PIEZO2: variants seen among roughly 807,000 people sequenced by gnomAD.
The protein encoded by PIEZO2 is piezo type mechanosensitive ion channel component 2.
PIEZO2 carries 172 observed loss-of-function variants against 337.3 expected under a neutral mutation model. That is an observed-to-expected ratio of 0.51 (90% CI 0.45 to 0.58). The LOEUF (loss-of-function observed/expected upper bound fraction) is 0.58, where lower values mean the gene tolerates loss of function less well. Among genes scored for constraint, PIEZO2 ranks in the 20% least tolerant of loss-of-function variants. The pLI is 0.00. For missense variants in PIEZO2, 3,028 were observed against 3,391.3 expected, an observed-to-expected ratio of 0.89 and a Z score of 2.66; for synonymous variants, 1,251 against 1,228.5, an observed-to-expected ratio of 1.02 and a Z score of -0.38.
At position 11,148,387 on chromosome 18, in the gene PIEZO2, G is replaced by A. The variant is rs977223266; in HGVS notation, c.64+138C>T. ...GTGAGAGAGCCAGGCTGTGCACCAG[G>A]GACAGCGCGCGTCTGACGCCGCTGG... On this transcript the variant is annotated intron_variant, in intron 1 of 55. Transcript: ENST00000674853. The surrounding 1 kb of genome is among the most constrained non-coding windows in gnomAD (Gnocchi z 5.2). 8.4e-6 allele frequency: 8 copies of A among 953,278 alleles called. No homozygotes were observed. Among genetic ancestry groups the A allele is most frequent in the Non-Finnish European group, 1.3e-5 (8 of 634,374 alleles). 59.1% of individuals were successfully genotyped at this position (953,278 alleles called of 1,614,324 possible).
chr18:10,696,662 C>T (rs928534094), intron 45 of PIEZO2, 123 bp from the exon 46 acceptor site: 1 of 1,078,914 alleles, frequency 9.3e-7, no homozygotes, highest in Non-Finnish European at 1.3e-6. Flanking sequence ...GTCCCACCTT[C>T]CTCTCTCTGC....
At position 10,857,042 on chromosome 18, in the gene PIEZO2, G is replaced by A; in HGVS notation, c.662C>T (p.Thr221Ile). Reference protein sequence around the residue: ...LKEFIGNMITTAGKVVVTILL... With the variant: ...LKEFIGNMITIAGKVVVTILL... ...GATGGTAACAACGACTTTCCCAGCA[G>A]TGGTGATCATGTTGCCAATGAACTC... The change falls in exon 6 of 56, where the codon ACT becomes ATT. Residue 221 changes from threonine (T) to isoleucine (I), a missense_variant. By Grantham distance (89) the Thr-to-Ile change is moderately conservative (BLOSUM62 -1). Around this residue, in one of 5 missense-constraint regions of PIEZO2, gnomAD observed 542 missense variants for 605.6 expected, o/e 0.89. Coordinates refer to ENST00000674853, the MANE Select transcript of PIEZO2 (RefSeq NM_001378183.1). 3 of 1,537,356 alleles carry A rather than the reference G, an allele frequency of 2.0e-6. No homozygotes were observed. Among genetic ancestry groups the A allele is most frequent in the Non-Finnish European group, 2.6e-6 (3 of 1,146,928 alleles).
chr18:10,940,017 A>G lies in PIEZO2; in HGVS notation c.287-28789T>C, dbSNP rs547062626. ...ATTATTATGTATACTCTAGGGACATATATATGACTATGTTAGTTCCTTATT... is the reference window on the plus strand; with the variant it reads ...ATTATTATGTATACTCTAGGGACATGTATATGACTATGTTAGTTCCTTATT... On this transcript the variant is annotated intron_variant, in intron 3 of 55. Coordinates refer to ENST00000674853, the MANE Select transcript of PIEZO2 (RefSeq NM_001378183.1). This position sits in a 1 kb window ranked among gnomAD's most constrained non-coding sequence, Gnocchi z 5.3. Among the ~76,000 whole-genome samples the G allele has an allele frequency of 6.6e-6, 1 of 152,256 alleles. No homozygotes were observed. The highest frequency in any genetic ancestry group is 2.4e-5 in the African/African-American group (1 of 41,544).
At chr18:10,918,245 A>G (rs9960675) in intron 3 of PIEZO2, among the ~76,000 whole-genome samples, 42,694 of 152,064 alleles carry the variant, frequency 0.28, 6,235 homozygotes, top group Middle Eastern at 0.32. Context: ...ATTAAAAGTA[A>G]TTGTAAAAGA....
rs185263349 is a variant in PIEZO2 at position 10,917,554 on chromosome 18, C to T, written c.287-6326G>A. The stretch of plus-strand genomic sequence containing the variant: ...CTACAGAAAAAAGTAACTTCGTTTT[C>T]CCTCTAGGTTACCTAATGTAGTGGT... On this transcript the variant is annotated intron_variant, in intron 3 of 55. Transcript: ENST00000674853. 9.2e-4 allele frequency among the ~76,000 whole-genome samples: 140 copies of T among 152,286 alleles called. 1 individual carries two copies. Among genetic ancestry groups the T allele is most frequent in the Middle Eastern group, 6.8e-3 (2 of 294 alleles).
intron 27 of PIEZO2, 104 bp from the exon 28 acceptor site, chr18:10,752,983 C>A: frequency 7.5e-7 from 1 of 1,342,138 alleles, no homozygotes; most frequent in Admixed American, 2.7e-5. Flanking sequence ...CTCTGCTGCA[C>A]CTTGCAAATC....
chr18:11,065,760 C>T (rs560609860), intron 2 of PIEZO2, among the ~76,000 whole-genome samples: 78 of 152,356 alleles, frequency 5.1e-4, no homozygotes, highest in African/African-American at 1.8e-3. Context: ...GTTGCCACCA[C>T]ACTCTCCCCA....
At chr18:11,086,825 A>T (rs925700610) in intron 1 of PIEZO2, among the ~76,000 whole-genome samples, 8 of 152,194 alleles carry the variant, frequency 5.3e-5, no homozygotes, top group African/African-American at 1.9e-4. Context: ...TTTTAATTCA[A>T]AACCGTTCCT....
At position 10,752,695 on chromosome 18, in the gene PIEZO2, A is replaced by G. The variant is rs2037693339; in HGVS notation, c.4108T>C (p.Tyr1370His). The G allele has an allele frequency of 1.3e-6, 2 of 1,536,984 alleles. No individual in the cohort carries two copies. The highest frequency in any genetic ancestry group is 1.7e-6 in the Non-Finnish European group (2 of 1,146,684). Residue 1370 changes from tyrosine (Y) to histidine (H), a missense_variant, in exon 28 of 56, where the codon TAC becomes CAC. Tyr to His is a moderately conservative substitution (Grantham distance 83, BLOSUM62 2). Coordinates refer to ENST00000674853, the MANE Select transcript of PIEZO2 (RefSeq NM_001378183.1). ...TTGTATGCGATCAGCCAGTCCCAGT[A>G]GCGCAGGATGCTCTTGATGGGTTTC... is the stretch of plus-strand genomic sequence containing the variant. ...LLKPIKSILR[Y>H]WDWLIAYNVF...
At chr18:10,684,741 C>T (rs371688039) in intron 49 of PIEZO2, among the ~76,000 whole-genome samples, 1 of 152,224 alleles carries the variant, frequency 6.6e-6, no homozygotes, top group African/African-American at 2.4e-5. Flanking sequence ...GCTGGGATTA[C>T]AAGCGTGAGC....
chr18:10,797,387 A>G lies in PIEZO2; in HGVS notation c.1514T>C (p.Leu505Pro). 1 of 1,536,674 alleles carries G rather than the reference A, an allele frequency of 6.5e-7. No individual in the cohort carries two copies. ...TATCATACATACCATCATAGCTATG[A>G]GGGCACAGATGTAACTTTGTTTCAT... Reference protein sequence around the residue: ...FIMKQSYICALIAMMAWSITY... With the variant: ...FIMKQSYICAPIAMMAWSITY... The change falls in exon 12 of 56, where the codon CTC (leucine) becomes CCC (proline). Residue 505 changes from leucine to proline, a missense_variant. Around this residue, in one of 5 missense-constraint regions of PIEZO2, gnomAD observed 50 missense variants for 88.2 expected, o/e 0.57. Coordinates refer to ENST00000674853, the MANE Select transcript of PIEZO2 (RefSeq NM_001378183.1).
intron 2 of PIEZO2, among the ~76,000 whole-genome samples, chr18:10,992,053 C>A (rs148857749): frequency 0.014 from 2,184 of 152,222 alleles, 57 homozygotes; most frequent in African/African-American, 0.048. Context: ...TGTTCATATC[C>A]TTTGCCCACT....
At chr18:10,719,659 A>T (rs1298253683) in intron 36 of PIEZO2, among the ~76,000 whole-genome samples, 1 of 152,188 alleles carries the variant, frequency 6.6e-6, no homozygotes, top group Non-Finnish European at 1.5e-5. Flanking sequence ...TACAATAAAC[A>T]TGTGAGTGCA....
chr18:10,688,513 C>T (rs1202041871), intron 49 of PIEZO2, among the ~76,000 whole-genome samples: 2 of 151,944 alleles, frequency 1.3e-5, no homozygotes, highest in African/African-American at 4.8e-5. Context: ...TTCATAAGTC[C>T]CCTGTGTGTG....
In PIEZO2 at chr18:11,026,593, C is replaced by T. The variant is rs76333079; in HGVS notation, c.160+39534G>A. Among the ~76,000 whole-genome samples the T allele has an allele frequency of 9.7e-3, 1,475 of 152,320 alleles. 13 individuals are homozygous for T. The highest frequency in any genetic ancestry group is 0.02 in the Middle Eastern group (6 of 294). Reference sequence around the variant, plus strand: ...CTCTTGCTGTTATTGGCCTATGCTCCGTATGGAAAGAGATACATATACTAA... The same window carrying T: ...CTCTTGCTGTTATTGGCCTATGCTCTGTATGGAAAGAGATACATATACTAA... On this transcript the variant is annotated intron_variant, in intron 2 of 55. Transcript: ENST00000674853.
chr18:11,079,204 G>A (rs185297533), intron 1 of PIEZO2, among the ~76,000 whole-genome samples: 3 of 152,226 alleles, frequency 2.0e-5, no homozygotes, highest in East Asian at 1.9e-4. Flanking sequence ...ATATATTTAC[G>A]AAATGGTGCA....
chr18:10,704,385 C>G lies in PIEZO2; in HGVS notation c.6258+9G>C. ...GAAGCCATCCACAGGGGTCTGCGTC[C>G]AGGCCTACCTCAGTATAGACGATGG... On this transcript the variant is annotated intron_variant, in intron 42 of 55. Transcript: ENST00000674853. The G allele has an allele frequency of 1.3e-6, 2 of 1,536,848 alleles. No individual in the cohort carries two copies. The highest frequency in any genetic ancestry group is 1.7e-6 in the Non-Finnish European group (2 of 1,146,800).
chr18:10,671,857 A>T, intron 55 of PIEZO2, 78 bp from the exon 56 acceptor site: 1 of 1,280,486 alleles, frequency 7.8e-7, no homozygotes. Flanking sequence ...AAAAGAAAAA[A>T]ATATTACTTT....
intron 3 of PIEZO2, among the ~76,000 whole-genome samples, chr18:10,949,996 T>C (rs1210833912): frequency 2.6e-5 from 4 of 152,220 alleles, no homozygotes; most frequent in African/African-American, 7.2e-5. Context: ...GCAGTAATGA[T>C]GGTTTGTTTT....
Sources: gnomAD v4.1 joint callset for allele counts (sites outside exome capture counted in the v4.1 genomes callset) on GRCh38, gnomAD v4.1.1 for gene constraint, gnomAD v4.1.1 regional missense constraint, Gnocchi (gnomAD v3.1) non-coding constraint, MANE v1.5 for transcripts, NCBI Gene and HGNC (gene_info 2026-07-23, HGNC 2026-07-21) for gene names.